CASP2: variants seen among roughly 807,000 people sequenced by gnomAD.
CASP2 encodes caspase-2.
CASP2 carries 38 observed loss-of-function variants against 54.4 expected under a neutral mutation model. That is an observed-to-expected ratio of 0.70 (90% CI 0.54 to 0.92). The LOEUF (loss-of-function observed/expected upper bound fraction) is 0.92, where lower values mean the gene tolerates loss of function less well. Among genes scored for constraint, CASP2 ranks in the 40% least tolerant of loss-of-function variants. The probability of loss-of-function intolerance (pLI) is 0.00; values close to 1 mark genes in which losing one functional copy is unlikely to be tolerated. For missense variants in CASP2, 512 were observed against 579.6 expected, an observed-to-expected ratio of 0.88 and a Z score of 1.20; for synonymous variants, 215 against 216.3, an observed-to-expected ratio of 0.99 and a Z score of 0.05.
intron 1 of CASP2, among the ~76,000 whole-genome samples, chr7:143,290,311 C>T (rs1057258596): frequency 6.6e-6 from 1 of 152,152 alleles, no homozygotes; most frequent in Non-Finnish European, 1.5e-5. Context: ...ATCTGCCCAC[C>T]TTAGCCTCCC....
At chr7:143,295,955 A>G (rs1171090698) in intron 6 of CASP2, among the ~76,000 whole-genome samples, 1 of 152,252 alleles carries the variant, frequency 6.6e-6, no homozygotes, top group Non-Finnish European at 1.5e-5. Flanking sequence ...TAATTCCTAC[A>G]GAAGGTCACT....
intron 6 of CASP2, among the ~76,000 whole-genome samples, chr7:143,296,471 C>G (rs563808302): frequency 2.3e-4 from 35 of 152,152 alleles, no homozygotes; most frequent in Non-Finnish European, 4.6e-4. Flanking sequence ...TAGATATGAT[C>G]AGAAGGATAA....
chr7:143,304,644 A>G, intron 9 of CASP2, 30 bp from the exon 10 acceptor site: 1 of 1,540,334 alleles, frequency 6.5e-7, no homozygotes, highest in Non-Finnish European at 9.0e-7. Context: ...GATGGCATTC[A>G]CACTGTGATT....
intron 9 of CASP2, 138 bp downstream of exon 9, chr7:143,304,071 T>A: frequency 1.1e-6 from 1 of 885,316 alleles, no homozygotes; most frequent in Non-Finnish European, 1.8e-6. Flanking sequence ...ATTTTTTTGT[T>A]TTTTTGGATT....
In CASP2 at chr7:143,305,688, C is replaced by G. The variant is rs1016333792; in HGVS notation, c.*617C>G. 1.9e-5 allele frequency: 3 copies of G among 162,008 alleles called. No homozygotes were observed. Among genetic ancestry groups the G allele is most frequent in the African/African-American group, 7.2e-5 (3 of 41,560 alleles). The allele number at this position is 162,008 out of a possible 1,614,324, so 10.0% of individuals were successfully genotyped here. On this transcript the variant is annotated 3_prime_UTR_variant, in exon 11 of 11. Coordinates refer to ENST00000310447, the MANE Select transcript of CASP2 (RefSeq NM_032982.4). ...AGGACACTCTTGGCTCGTTTGGGCT[C>G]AAGGCACCGCAGCCTGTCAGCCAAC...
chr7:143,304,628 C>A, intron 9 of CASP2, 46 bp from the exon 10 acceptor site: 1 of 1,390,882 alleles, frequency 7.2e-7, no homozygotes, highest in Non-Finnish European at 1.0e-6. Flanking sequence ...GGAAGTGCAG[C>A]TGTGTGATGG....
At chr7:143,293,185 T>C (rs747405429) in intron 4 of CASP2, 1 of 658,972 alleles carries the variant, frequency 1.5e-6, no homozygotes, top group Non-Finnish European at 2.7e-6. Flanking sequence ...TGGAATGCAG[T>C]GACACCACCA....
chr7:143,294,555 G>C, intron 5 of CASP2, 42 bp from the exon 6 acceptor site: 6 of 1,577,258 alleles, frequency 3.8e-6, no homozygotes, highest in South Asian at 2.2e-5. Context: ...GGAATCATCT[G>C]TTATCAAGAC....
At chr7:143,296,467 T>C (rs542232672) in intron 6 of CASP2, among the ~76,000 whole-genome samples, 1 of 152,204 alleles carries the variant, frequency 6.6e-6, no homozygotes, top group Admixed American at 6.5e-5. Flanking sequence ...TAGGTAGATA[T>C]GATCAGAAGG....
At chr7:143,290,870 GC>G (rs1220958538) in intron 1 of CASP2, 2 of 154,024 alleles carry the variant, frequency 1.3e-5, no homozygotes, top group Non-Finnish European at 2.9e-5. Context: ...CCTGTGAATA[GC>G]CACTGCACTC....
intron 1 of CASP2, 43 bp from the exon 2 acceptor site, chr7:143,291,497 A>G (rs1801555929): frequency 1.2e-6 from 2 of 1,607,706 alleles, no homozygotes; most frequent in African/African-American, 2.7e-5. Context: ...CTTCTGTGTC[A>G]AATTGTGACT....
At chr7:143,300,883 C>A in intron 8 of CASP2, 3 of 1,085,072 alleles carry the variant, frequency 2.8e-6, no homozygotes, top group Non-Finnish European at 3.4e-6. Flanking sequence ...TGTTTTACTC[C>A]TTTAAGAGCC....
At position 143,299,950 on chromosome 7, in the gene CASP2, G is replaced by A. The variant is rs1801865691; in HGVS notation, c.775G>A (p.Ala259Thr). The A allele has an allele frequency of 2.5e-6, 4 of 1,613,996 alleles. No individual in the cohort carries two copies. Among genetic ancestry groups the A allele is most frequent in the African/African-American group, 1.3e-5 (1 of 74,898 alleles). ...QEMQEKLQNF[A>T]QLPAHRVTDS... ...AATGCAAGAGAAACTGCAGAATTTTGCACAGTTACCTGCACACCGAGTCAC... is the reference window on the plus strand; with the variant it reads ...AATGCAAGAGAAACTGCAGAATTTTACACAGTTACCTGCACACCGAGTCAC... Residue 259 changes from alanine to threonine, a missense_variant, in exon 7 of 11, where the codon GCA becomes ACA. This residue lies in a region of CASP2 where 417 missense variants were observed against 495.4 expected (regional missense o/e 0.84). Coordinates refer to ENST00000310447, the MANE Select transcript of CASP2 (RefSeq NM_032982.4).
In CASP2 at chr7:143,306,964, G is replaced by C. The variant is rs564646969; in HGVS notation, c.*1893G>C. 1 of 152,130 alleles carries C rather than the reference G, an allele frequency of 6.6e-6. No individual in the cohort carries two copies. Among genetic ancestry groups the C allele is most frequent in the Non-Finnish European group, 1.5e-5 (1 of 68,076 alleles). 9.4% of individuals were successfully genotyped at this position (152,130 alleles called of 1,614,324 possible). On this transcript the variant is annotated 3_prime_UTR_variant, in exon 11 of 11. Coordinates refer to ENST00000310447, the MANE Select transcript of CASP2 (RefSeq NM_032982.4). Reference sequence around the variant, plus strand: ...GTGATTTCTTGCTAAGCTCCAGCCCGAGTGGTCTCCTCTCAGCTTCTAATT... The same window carrying C: ...GTGATTTCTTGCTAAGCTCCAGCCCCAGTGGTCTCCTCTCAGCTTCTAATT...
At chr7:143,292,732 C>A (rs779654146) in intron 4 of CASP2, 34 bp downstream of exon 4, 2 of 1,553,704 alleles carry the variant, frequency 1.3e-6, no homozygotes, top group South Asian at 2.2e-5. Flanking sequence ...GGTCCCAGGC[C>A]AGGTGCCACG....
intron 5 of CASP2, 23 bp downstream of exon 5, chr7:143,294,347 G>A (rs757832727): frequency 1.3e-6 from 2 of 1,507,092 alleles, no homozygotes; most frequent in South Asian, 2.2e-5. Context: ...ATAATGACAA[G>A]AGGAAGAGAG....
In CASP2 at chr7:143,291,634, T is replaced by C. The variant is rs1801563144; in HGVS notation, c.169T>C (p.Leu57=). The C allele has an allele frequency of 6.2e-7, 1 of 1,613,912 alleles. No individual in the cohort carries two copies. The highest frequency in any genetic ancestry group is 8.5e-7 in the Non-Finnish European group (1 of 1,179,992). Residue 57 remains leucine (L), a synonymous_variant, in exon 2 of 11, where the codon TTA becomes CTA. Coordinates refer to ENST00000310447, the MANE Select transcript of CASP2 (RefSeq NM_032982.4). The part of the protein sequence containing the change: ...LAKQLLLSEL[L]EHLLEKDIIT... ...CAAACAGCTGTTGTTGAGCGAATTG[T>C]TAGAACATCTTCTGGAGAAGGACAT...
rs1802082091 is a variant in CASP2, at chr7:143,306,932, T to C, written c.*1861T>C. On this transcript the variant is annotated 3_prime_UTR_variant, in exon 11 of 11. Transcript: ENST00000310447. Reference sequence around the variant, plus strand: ...GTTCTTGCCTTCCCCTTGAACCTCATTAAATGGTGATTTCTTGCTAAGCTC... The same window carrying C: ...GTTCTTGCCTTCCCCTTGAACCTCACTAAATGGTGATTTCTTGCTAAGCTC... 2 of 152,270 alleles carry C rather than the reference T, an allele frequency of 1.3e-5. No individual in the cohort carries two copies. Among genetic ancestry groups the C allele is most frequent in the Non-Finnish European group, 2.9e-5 (2 of 68,070 alleles). The allele number at this position is 152,270 out of a possible 1,614,324, so 9.4% of individuals were successfully genotyped here.
At position 143,304,864 on chromosome 7, in the gene CASP2, C is replaced by T. The variant is rs150330785; in HGVS notation, c.1228-76C>T. On this transcript the variant is annotated intron_variant, in intron 10 of 10. Transcript: ENST00000310447. ...CTCTCTTGAATGCTCTTTCATAGTCCGTCTCCCCTTCCCGTTTGCTGCTCT... is the reference window on the plus strand; with the variant it reads ...CTCTCTTGAATGCTCTTTCATAGTCTGTCTCCCCTTCCCGTTTGCTGCTCT... 1,397 of 1,608,080 alleles carry T rather than the reference C, an allele frequency of 8.7e-4. 1 individual carries two copies. The highest frequency in any genetic ancestry group is 1.1e-3 in the Non-Finnish European group (1,248 of 1,174,492).
Sources: allele counts gnomAD v4.1 joint callset (sites outside exome capture counted in the v4.1 genomes callset), GRCh38; gene constraint gnomAD v4.1.1; regional missense constraint gnomAD v4.1.1; transcripts MANE v1.5; gene names NCBI Gene and HGNC (gene_info 2026-07-23, HGNC 2026-07-21).